The following KIAA1671 variants were observed in gnomAD, a reference collection of about 807,000 sequenced individuals.
The protein encoded by KIAA1671 is KIAA1671, also known as uncharacterized protein KIAA1671.
In KIAA1671, 52 loss-of-function variants were observed where a neutral mutation model predicts 131.2. The observed-to-expected ratio is 0.40, with a 90% CI of 0.32 to 0.50. The LOEUF is 0.50. Ranked by LOEUF, KIAA1671 falls within the 20% of genes least tolerant of loss-of-function variation. The pLI, the probability that KIAA1671 is intolerant of heterozygous loss-of-function variation, is 0.73. For missense variants in KIAA1671, 2,360 were observed against 2,364.2 expected, an observed-to-expected ratio of 1.00 and a Z score of 0.04; for synonymous variants, 1,003 against 961.6, an observed-to-expected ratio of 1.04 and a Z score of -0.80.
rs1268617150 is a variant in KIAA1671, at chr22:25,039,062, T to A, written c.1932T>A (p.Arg644=). ...TTPPGDMAHA[R]VSEPRPRPEM... The stretch of plus-strand genomic sequence containing the variant: ...CCCCTGGTGACATGGCCCATGCCCG[T>A]GTCTCAGAACCCAGGCCGAGGCCTG... The change falls in exon 5 of 13, where the codon CGT becomes CGA. Residue 644 remains arginine (R), a synonymous_variant. Transcript: ENST00000358431. The A allele has an allele frequency of 7.1e-6, 11 of 1,551,620 alleles. No individual in the cohort carries two copies. The highest frequency in any genetic ancestry group is 8.7e-6 in the Non-Finnish European group (10 of 1,147,028).
chr22:24,970,914 TCTCA>T (rs1245151504), intron 1 of KIAA1671, among the ~76,000 whole-genome samples: 1 of 152,150 alleles, frequency 6.6e-6, no homozygotes, highest in East Asian at 1.9e-4. Flanking sequence ...CTATGCACTA[TCTCA>T]CTCAATCATC....
chr22:24,963,364 CAAAAAAAAAA>C lies in KIAA1671; in HGVS notation c.-208+10607_-208+10616del, dbSNP rs766667437. Among the ~76,000 whole-genome samples, 3 of 46,646 alleles carry C rather than the reference CAAAAAAAAAA, an allele frequency of 6.4e-5. No individual in the cohort carries two copies. The Admixed American group carries it at 7.9e-4, about 12-fold the overall frequency. 30.6% of individuals were successfully genotyped at this position (46,646 alleles called of 152,430 possible). ...GGGCAACAAGAGTGAAACTCCATCT[CAAAAAAAAAA>C]AAAAAAAAAAAAAAGTATCCTGTAT... On this transcript the variant is annotated intron_variant, in intron 1 of 12. Coordinates refer to ENST00000358431, the MANE Select transcript of KIAA1671 (RefSeq NM_001145206.2).
At chr22:25,114,279 C>T (rs146277601) in intron 6 of KIAA1671, among the ~76,000 whole-genome samples, 1 of 152,344 alleles carries the variant, frequency 6.6e-6, no homozygotes, top group African/African-American at 2.4e-5. Flanking sequence ...AGCCCTGACC[C>T]ATTCTTAAGC....
chr22:24,985,989 G>A (rs1322688351), intron 1 of KIAA1671, among the ~76,000 whole-genome samples: 1 of 152,132 alleles, frequency 6.6e-6, no homozygotes, highest in Non-Finnish European at 1.5e-5. Context: ...ACTTGTGTGC[G>A]TGTGTGTGTT....
chr22:24,987,283 G>A (rs1284132376), intron 1 of KIAA1671, among the ~76,000 whole-genome samples: 1 of 150,956 alleles, frequency 6.6e-6, no homozygotes, highest in African/African-American at 2.4e-5. Flanking sequence ...TCATTCTCCT[G>A]TCTCAGCCTC....
Position 25,040,837 on chromosome 22 carries a change from G to A in KIAA1671, c.3707G>A (p.Arg1236Lys). The part of the protein sequence containing the change: ...TVEPSTLPRE[R>K]PVQLGGVEQR... ...GAGCCCAGTACGTTGCCTCGGGAGA[G>A]GCCTGTTCAGCTGGGCGGGGTGGAG... is the stretch of plus-strand genomic sequence containing the variant. Residue 1236 changes from arginine (R) to lysine (K), a missense_variant, in exon 5 of 13, where the codon AGG (arginine) becomes AAG (lysine). Arg to Lys is a conservative substitution (Grantham distance 26). This residue lies in a region of KIAA1671 where 1,161 missense variants were observed against 1,204.7 expected (regional missense o/e 0.96). Coordinates refer to ENST00000358431, the MANE Select transcript of KIAA1671 (RefSeq NM_001145206.2). 1 of 1,551,150 alleles carries A rather than the reference G, an allele frequency of 6.4e-7. No individual in the cohort carries two copies.
intron 7 of KIAA1671, 141 bp downstream of exon 7, chr22:25,171,079 G>A (rs1933830314): frequency 1.4e-6 from 1 of 698,996 alleles, no homozygotes; most frequent in East Asian, 2.8e-5. Flanking sequence ...TTTTAAAAAG[G>A]AAATTAGGAA....
rs1381102646 is a variant in KIAA1671 at position 25,040,850 on chromosome 22, G to T, written c.3720G>T (p.Leu1240=). Residue 1240 remains leucine, a synonymous_variant, in exon 5 of 13, where the codon CTG becomes CTT. Coordinates refer to ENST00000358431, the MANE Select transcript of KIAA1671 (RefSeq NM_001145206.2). ...STLPRERPVQ[L]GGVEQRRRSL... ...TGCCTCGGGAGAGGCCTGTTCAGCT[G>T]GGCGGGGTGGAGCAGAGAAGGAGGA... 94 of 1,549,230 alleles carry T rather than the reference G, an allele frequency of 6.1e-5. No individual in the cohort carries two copies. Among genetic ancestry groups the T allele is most frequent in the Admixed American group, 7.9e-5 (4 of 50,792 alleles).
At chr22:25,049,209 T>C (rs761115195) in intron 5 of KIAA1671, 21 bp from the exon 6 acceptor site, 7 of 1,549,040 alleles carry the variant, frequency 4.5e-6, no homozygotes, top group Middle Eastern at 1.7e-4. Context: ...TAAAGTCCTT[T>C]TCTTGTGCTC....
intron 1 of KIAA1671, among the ~76,000 whole-genome samples, chr22:25,005,434 C>A (rs186626954): frequency 9.9e-5 from 15 of 151,850 alleles, no homozygotes; most frequent in Admixed American, 9.2e-4. Context: ...AGAGATTTTC[C>A]TAGTGCTTGT....
chr22:25,148,208 CCT>C (rs899716075), intron 6 of KIAA1671, among the ~76,000 whole-genome samples: 1 of 151,676 alleles, frequency 6.6e-6, no homozygotes, highest in African/African-American at 2.4e-5. Flanking sequence ...CCAGCACCCC[CCT>C]CAGTCCCAGC....
chr22:25,146,706 A>G (rs1932885582), intron 6 of KIAA1671, among the ~76,000 whole-genome samples: 1 of 152,178 alleles, frequency 6.6e-6, no homozygotes, highest in African/African-American at 2.4e-5. Flanking sequence ...CACTCCTCCA[A>G]TGGGAGCAAA....
chr22:24,974,946 G>A (rs925429245), intron 1 of KIAA1671, among the ~76,000 whole-genome samples: 6 of 151,822 alleles, frequency 4.0e-5, no homozygotes, highest in South Asian at 2.1e-4. Context: ...CATCCGCCTC[G>A]GCCTCCCAAA....
At chr22:25,113,179 A>T (rs886187165) in intron 6 of KIAA1671, among the ~76,000 whole-genome samples, 1 of 152,154 alleles carries the variant, frequency 6.6e-6, no homozygotes, top group Non-Finnish European at 1.5e-5. Flanking sequence ...CCAGAAAGCG[A>T]AAGTGCCTAC....
chr22:25,093,641 T>G (rs1358675619), intron 6 of KIAA1671, among the ~76,000 whole-genome samples: 4 of 150,414 alleles, frequency 2.7e-5, no homozygotes, highest in African/African-American at 7.3e-5. Context: ...ATCAGTTGTT[T>G]GAGTAAGAAT....
intron 11 of KIAA1671, among the ~76,000 whole-genome samples, chr22:25,187,789 T>C (rs553800485): frequency 2.3e-4 from 35 of 152,336 alleles, no homozygotes; most frequent in African/African-American, 6.5e-4. Flanking sequence ...TGAGCTACCG[T>C]GCCTGGCCTG....
Position 25,029,122 on chromosome 22 carries a change from T to A in KIAA1671, c.1123T>A (p.Ser375Thr). Reference protein sequence around the residue: ...GSPRALVGGSSGVTPSNDQSP... With the variant: ...GSPRALVGGSTGVTPSNDQSP... ...CCCCAGAGCCCTGGTGGGGGGCTCA[T>A]CTGGGGTCACCCCCAGCAATGACCA... The change falls in exon 3 of 13, where the codon TCT (serine) becomes ACT (threonine). Residue 375 changes from serine to threonine, a missense_variant. Around this residue, in one of 3 missense-constraint regions of KIAA1671, gnomAD observed 1,185 missense variants for 1,126.2 expected, o/e 1.05. Transcript: ENST00000358431. 6.8e-7 allele frequency: 1 copy of A among 1,463,788 alleles called. No individual in the cohort carries two copies. Among genetic ancestry groups the A allele is most frequent in the African/African-American group, 1.4e-5 (1 of 70,118 alleles). 90.7% of individuals were successfully genotyped at this position (1,463,788 alleles called of 1,614,324 possible).
chr22:24,960,692 C>T lies in KIAA1671; in HGVS notation c.-208+7920C>T, dbSNP rs1307359784. 6.0e-5 allele frequency among the ~76,000 whole-genome samples: 8 copies of T among 132,298 alleles called. No homozygotes were observed. The Admixed American group carries it at 6.7e-4, about 11-fold the overall frequency. The allele number at this position is 132,298 out of a possible 152,430, so 86.8% of individuals were successfully genotyped here. On this transcript the variant is annotated intron_variant, in intron 1 of 12. Coordinates refer to ENST00000358431, the MANE Select transcript of KIAA1671 (RefSeq NM_001145206.2). ...TTTTTTTTTTGCTATGACCGAGTGCCGCAGTTAACATCCCTGTTGACATGT... is the reference window on the plus strand; with the variant it reads ...TTTTTTTTTTGCTATGACCGAGTGCTGCAGTTAACATCCCTGTTGACATGT...
intron 6 of KIAA1671, among the ~76,000 whole-genome samples, chr22:25,094,300 G>A (rs1487334041): frequency 6.6e-6 from 1 of 152,130 alleles, no homozygotes; most frequent in Non-Finnish European, 1.5e-5. Flanking sequence ...GGACTGGCGT[G>A]TTGTGCTGCG....
Sources: gnomAD v4.1 joint callset for allele counts (sites outside exome capture counted in the v4.1 genomes callset) on GRCh38, gnomAD v4.1.1 for gene constraint, gnomAD v4.1.1 regional missense constraint, MANE v1.5 for transcripts, NCBI Gene and HGNC (gene_info 2026-07-23, HGNC 2026-07-21) for gene names.